PHEX: variants seen among roughly 807,000 people sequenced by gnomAD.
PHEX encodes phosphate regulating endopeptidase X-linked, also known as phosphate-regulating neutral endopeptidase PHEX.
Under a neutral mutation model 68.0 loss-of-function variants are expected in PHEX, and 16 were observed. That is an observed-to-expected ratio of 0.24 (90% confidence interval 0.16 to 0.36). The LOEUF (loss-of-function observed/expected upper bound fraction) is 0.36. PHEX is among the 10% of genes least tolerant of loss of function. The probability of loss-of-function intolerance (pLI) is 1.00; values close to 1 mark genes in which losing one functional copy is unlikely to be tolerated. For synonymous variants in PHEX, 208 were observed against 205.1 expected, an observed-to-expected ratio of 1.01 and a Z score of -0.12; for missense variants, 480 against 575.5, an observed-to-expected ratio of 0.83 and a Z score of 1.70.
Position 22,245,367 on chromosome X carries a change from G to A in PHEX, c.2105G>A (p.Arg702Gln), listed in dbSNP as rs1358095108. Residue 702 changes from arginine (R) to glutamine (Q), a missense_variant, in exon 21 of 22, where the codon CGA becomes CAA. By Grantham distance (43) the Arg-to-Gln change is conservative (BLOSUM62 1). Transcript: ENST00000379374. ...AATTCCTACAGACCAGAAGCTGCCC[G>A]AGAACAAGTCCAAATTGGTGCTCAC... Reference protein sequence around the residue: ...RCNSYRPEAAREQVQIGAHSP... With the variant: ...RCNSYRPEAAQEQVQIGAHSP... 8.3e-7 allele frequency: 1 copy of A among 1,209,019 alleles called. No homozygotes were observed. The highest frequency in any genetic ancestry group is 1.1e-6 in the Non-Finnish European group (1 of 893,186).
chrX:22,148,732 A>G (rs150670684), intron 12 of PHEX, among the ~76,000 whole-genome samples: 1,190 of 111,198 alleles, frequency 0.011, 15 homozygotes, highest in African/African-American at 0.037. Context: ...GAGATTATAC[A>G]GTATTTTTCT....
intron 15 of PHEX, among the ~76,000 whole-genome samples, chrX:22,211,549 T>C (rs1934924584): frequency 8.9e-6 from 1 of 112,454 alleles, no homozygotes; most frequent in Non-Finnish European, 1.9e-5. Flanking sequence ...ATTTTGTTCT[T>C]ACCAGCATGG....
At chrX:22,196,369 T>A (rs1332327285) in intron 15 of PHEX, among the ~76,000 whole-genome samples, 1 of 112,363 alleles carries the variant, frequency 8.9e-6, no homozygotes, top group Non-Finnish European at 1.9e-5. Context: ...ACTATTTCTG[T>A]AAATTGCCAG....
intron 20 of PHEX, among the ~76,000 whole-genome samples, chrX:22,233,391 T>C (rs779861107): frequency 1.7e-3 from 193 of 111,565 alleles, no homozygotes; most frequent in Non-Finnish European, 3.1e-3. Context: ...CTGGATAATA[T>C]CCTGAAGAGT....
intron 15 of PHEX, among the ~76,000 whole-genome samples, chrX:22,212,475 T>C: frequency 9.0e-6 from 1 of 111,496 alleles, no homozygotes; most frequent in Non-Finnish European, 1.9e-5. Flanking sequence ...AAGATAAAAA[T>C]CATTAAGAAT....
chrX:22,050,584 A>AC (rs1285176163), intron 3 of PHEX, among the ~76,000 whole-genome samples: 1 of 109,436 alleles, frequency 9.1e-6, no homozygotes, highest in African/African-American at 3.3e-5. Context: ...AAAAAAAAAA[A>AC]AAAAAAAAAC....
At chrX:22,107,749 T>C (rs1930766906) in intron 9 of PHEX, among the ~76,000 whole-genome samples, 2 of 112,183 alleles carry the variant, frequency 1.8e-5, no homozygotes, top group Admixed American at 1.9e-4. Flanking sequence ...CACATACTTT[T>C]GGGTGCTAGT....
At chrX:22,111,710 G>A (rs1396368751) in intron 10 of PHEX, 150 bp downstream of exon 10, 2 of 472,054 alleles carry the variant, frequency 4.2e-6, no homozygotes, top group Non-Finnish European at 7.3e-6. Flanking sequence ...GTGTGTGTGT[G>A]TGCCTTATTT....
intron 18 of PHEX, among the ~76,000 whole-genome samples, chrX:22,225,832 G>C (rs900649500): frequency 1.8e-5 from 2 of 112,345 alleles, no homozygotes; most frequent in East Asian, 2.8e-4. Context: ...AAAGTTTTGA[G>C]AAACAATCTT....
chrX:22,150,467 C>A (rs972836735), intron 12 of PHEX, among the ~76,000 whole-genome samples: 4 of 111,962 alleles, frequency 3.6e-5, no homozygotes, highest in Non-Finnish European at 7.5e-5. Flanking sequence ...GTTGCAGCAA[C>A]CCAAATATAC....
chrX:22,244,178 C>T (rs1394754708), intron 20 of PHEX, among the ~76,000 whole-genome samples: 2 of 111,232 alleles, frequency 1.8e-5, no homozygotes, highest in Non-Finnish European at 3.8e-5. Flanking sequence ...CAAACTAACA[C>T]AGGAACAGAA....
chrX:22,229,931 A>AG (rs1935653584), intron 20 of PHEX, among the ~76,000 whole-genome samples: 1 of 111,931 alleles, frequency 8.9e-6, no homozygotes, highest in African/African-American at 3.3e-5. Flanking sequence ...ATAAGGTGTA[A>AG]GGAAGGGATC....
chrX:22,158,380 A>G (rs1481594484), intron 12 of PHEX, among the ~76,000 whole-genome samples: 1 of 112,330 alleles, frequency 8.9e-6, no homozygotes, highest in Admixed American at 9.5e-5. Context: ...AAGTTGCCCT[A>G]TAAATTTTTT....
At chrX:22,198,923 G>A (rs902069895) in intron 15 of PHEX, among the ~76,000 whole-genome samples, 48 of 111,420 alleles carry the variant, frequency 4.3e-4, no homozygotes, top group African/African-American at 1.5e-3. Flanking sequence ...GGCGGACGGC[G>A]AAGGAGCAGC....
Position 22,139,138 on chromosome X carries a change from G to A in PHEX, c.1404+5514G>A, listed in dbSNP as rs374498323. Among the ~76,000 whole-genome samples, 3 of 111,736 alleles carry A rather than the reference G, an allele frequency of 2.7e-5. No individual in the cohort carries two copies. The East Asian group carries it at 8.5e-4, about 32-fold the overall frequency. ...CCTCAGTTTTCACATCCATAAACTG[G>A]GGAGATTGGTCCCTGTCTCAGAAGA... On this transcript the variant is annotated intron_variant, in intron 12 of 21. Coordinates refer to ENST00000379374, the MANE Select transcript of PHEX (RefSeq NM_000444.6).
chrX:22,231,291 G>T (rs998717086), intron 20 of PHEX, among the ~76,000 whole-genome samples: 7 of 111,855 alleles, frequency 6.3e-5, no homozygotes, highest in Admixed American at 1.9e-4. Flanking sequence ...CTCATAAAAT[G>T]AGTTAGGGAG....
intron 3 of PHEX, among the ~76,000 whole-genome samples, chrX:22,055,475 A>G (rs1181126573): frequency 9.0e-6 from 1 of 111,310 alleles, no homozygotes; most frequent in East Asian, 2.8e-4. Context: ...TTCTCTTTCT[A>G]AATAGCTAAA....
chrX:22,144,143 A>G (rs1932578054), intron 12 of PHEX, among the ~76,000 whole-genome samples: 1 of 111,266 alleles, frequency 9.0e-6, no homozygotes, highest in Admixed American at 9.6e-5. Context: ...ATTTTTACTG[A>G]GTGGAACAAT....
intron 10 of PHEX, 148 bp downstream of exon 10, chrX:22,111,708 G>A: frequency 2.1e-6 from 1 of 477,255 alleles, no homozygotes; most frequent in Non-Finnish European, 3.6e-6. Context: ...GTGTGTGTGT[G>A]TGTGCCTTAT....
Sources: allele counts gnomAD v4.1 joint callset (sites outside exome capture counted in the v4.1 genomes callset), GRCh38; gene constraint gnomAD v4.1.1; transcripts MANE v1.5; gene names NCBI Gene and HGNC (gene_info 2026-07-23, HGNC 2026-07-21).